POM121C: variants seen among roughly 807,000 people sequenced by gnomAD.
POM121C encodes the protein nuclear envelope pore membrane protein POM 121C.
In POM121C, 20 loss-of-function variants were observed where a neutral mutation model predicts 66.4. The observed-to-expected ratio is 0.30, with a 90% confidence interval of 0.21 to 0.44. The LOEUF is 0.44. POM121C is among the 20% of genes least tolerant of loss of function. The probability of loss-of-function intolerance (pLI) is 1.00; values close to 1 mark genes in which losing one functional copy is unlikely to be tolerated. For synonymous variants in POM121C, 286 were observed against 528.0 expected, an observed-to-expected ratio of 0.54 and a Z score of 6.28; for missense variants, 580 against 1,225.7, an observed-to-expected ratio of 0.47 and a Z score of 7.87.
rs1789906841 is a variant in POM121C, at chr7:75,425,472, C to T, written c.646+163G>A. ...CCCATCTGTAGCCTTTCTCCCTCAT[C>T]AGACTATAAACTTCTGAAGGAGAGG... On this transcript the variant is annotated intron_variant, in intron 9 of 14. Transcript: ENST00000615331. 5 of 1,337,528 alleles carry T rather than the reference C, an allele frequency of 3.7e-6. No individual in the cohort carries two copies. The South Asian group carries it at 6.0e-5, about 16-fold the overall frequency. The allele number at this position is 1,337,528 out of a possible 1,614,324, so 82.9% of individuals were successfully genotyped here. A position where few individuals can be genotyped will look rare whatever the true frequency, so the allele number is the denominator to read the frequency against.
chr7:75,424,914 C>T lies in POM121C; in HGVS notation c.768+160G>A, dbSNP rs147425716. ...GGCAGAGGTTACGGTTAGCCAAAAT[C>T]GAGCCACTGAACTCCAGCCTGGGTG... On this transcript the variant is annotated intron_variant, in intron 10 of 14. Coordinates refer to ENST00000615331, the MANE Select transcript of POM121C (RefSeq NM_001099415.3). 8.6e-3 allele frequency: 12,512 copies of T among 1,451,978 alleles called. 79 individuals carry two copies. Among genetic ancestry groups the T allele is most frequent in the Non-Finnish European group, 0.011 (11,615 of 1,099,376 alleles). 89.9% of individuals were successfully genotyped at this position (1,451,978 alleles called of 1,614,324 possible).
chr7:75,474,328 T>C (rs1325389955), intron 3 of POM121C, among the ~76,000 whole-genome samples: 2 of 152,026 alleles, frequency 1.3e-5, no homozygotes, highest in African/African-American at 4.8e-5. Flanking sequence ...TGGGAGGTGA[T>C]GGTTGCAGTG....
rs1792014411 is a variant in POM121C, at chr7:75,474,799, C to T, written c.-247G>A. The T allele has an allele frequency of 8.4e-6, 11 of 1,303,902 alleles. No individual in the cohort carries two copies. The South Asian group carries it at 1.1e-4, about 13-fold the overall frequency. 80.8% of individuals were successfully genotyped at this position (1,303,902 alleles called of 1,614,324 possible). On this transcript the variant is annotated 5_prime_UTR_variant, in exon 3 of 15. Coordinates refer to ENST00000615331, the MANE Select transcript of POM121C (RefSeq NM_001099415.3). ...GACGTTTGGCTTGGTGATATCATAT[C>T]TTGTTAATGGGAAAAGAAGAAGGAC...
In POM121C at chr7:75,474,692, C is replaced by G; in HGVS notation, c.-152+12G>C. ...TGAGCATTTTTTAACATTTGATACT[C>G]TACTAACTTACCAGGACTATGTTGA... On this transcript the variant is annotated intron_variant, in intron 3 of 14. Transcript: ENST00000615331. 1 of 1,423,392 alleles carries G rather than the reference C, an allele frequency of 7.0e-7. No individual in the cohort carries two copies. The highest frequency in any genetic ancestry group is 9.8e-7 in the Non-Finnish European group (1 of 1,017,396). The allele number at this position is 1,423,392 out of a possible 1,614,324, so 88.2% of individuals were successfully genotyped here. A position where few individuals can be genotyped will look rare whatever the true frequency, so the allele number is the denominator to read the frequency against.
chr7:75,452,358 G>A (rs782570261), intron 3 of POM121C, among the ~76,000 whole-genome samples: 60 of 152,066 alleles, frequency 3.9e-4, no homozygotes, highest in Non-Finnish European at 6.6e-4. Flanking sequence ...TACTAGGGAG[G>A]ATGAGGCAGA....
rs1789555153 is a variant in POM121C, at chr7:75,418,281, G to A, written c.*515C>T. The A allele has an allele frequency of 1.0e-6, 1 of 964,260 alleles. No individual in the cohort carries two copies. The highest frequency in any genetic ancestry group is 1.2e-6 in the Non-Finnish European group (1 of 810,524). The allele number at this position is 964,260 out of a possible 1,614,324, so 59.7% of individuals were successfully genotyped here. A position where few individuals can be genotyped will look rare whatever the true frequency, so the allele number is the denominator to read the frequency against. On this transcript the variant is annotated 3_prime_UTR_variant, in exon 15 of 15. Transcript: ENST00000615331. ...CTGCAAGGAACCGGTGAGGGACACA[G>A]CAGCAAGAAATGGGGAAACAGAGTC... is the stretch of plus-strand genomic sequence containing the variant.
At position 75,418,225 on chromosome 7, in the gene POM121C, A is replaced by G; in HGVS notation, c.*571T>C. On this transcript the variant is annotated 3_prime_UTR_variant, in exon 15 of 15. Coordinates refer to ENST00000615331, the MANE Select transcript of POM121C (RefSeq NM_001099415.3). ...CCACTGGGGTCTCCAAGGCAAAGCT[A>G]GATTCAAGGGCATTTAAAAAGGAGG... 1.0e-6 allele frequency: 1 copy of G among 981,238 alleles called. No individual in the cohort carries two copies. Among genetic ancestry groups the G allele is most frequent in the Non-Finnish European group, 1.2e-6 (1 of 826,222 alleles). 60.8% of individuals were successfully genotyped at this position (981,238 alleles called of 1,614,324 possible).
At chr7:75,436,144 T>G (rs1554473010) in intron 7 of POM121C, among the ~76,000 whole-genome samples, 1 of 152,138 alleles carries the variant, frequency 6.6e-6, no homozygotes, top group Non-Finnish European at 1.5e-5. Context: ...TCAAATAGAT[T>G]ACATAAAAAA....
At position 75,472,912 on chromosome 7, in the gene POM121C, A is replaced by C. The variant is rs186408115; in HGVS notation, c.-152+1792T>G. ...TCAGCAAGTAAAATGCAGATGAAGGAAAAGGACAATGATCATTTGAATGGA... is the reference window on the plus strand; with the variant it reads ...TCAGCAAGTAAAATGCAGATGAAGGCAAAGGACAATGATCATTTGAATGGA... On this transcript the variant is annotated intron_variant, in intron 3 of 14. Transcript: ENST00000615331. Among the ~76,000 whole-genome samples the C allele has an allele frequency of 1.1e-4, 17 of 152,312 alleles. No individual in the cohort carries two copies. The East Asian group carries it at 3.3e-3, about 29-fold the overall frequency.
At chr7:75,460,188 T>C (rs1554476817) in intron 3 of POM121C, among the ~76,000 whole-genome samples, 1 of 143,326 alleles carries the variant, frequency 7.0e-6, no homozygotes. Flanking sequence ...TGTTGGAATC[T>C]GTTTTTTTAA....
At chr7:75,435,003 T>C (rs1240698124) in intron 7 of POM121C, among the ~76,000 whole-genome samples, 1 of 152,168 alleles carries the variant, frequency 6.6e-6, no homozygotes, top group Non-Finnish European at 1.5e-5. Context: ...GTACATGCCC[T>C]GTAGGGGGAT....
chr7:75,441,643 G>C lies in POM121C; in HGVS notation c.-147C>G. ...ACAAACCGATCTGGTAAAGTCCCAC[G>C]ATCCCTGCAGAGAATGCGAGACAAA... is the stretch of plus-strand genomic sequence containing the variant. On this transcript the variant is annotated 5_prime_UTR_variant, in exon 4 of 15. The change creates a new upstream start codon in the 5' untranslated region. Coordinates refer to ENST00000615331, the MANE Select transcript of POM121C (RefSeq NM_001099415.3). 1 of 1,550,872 alleles carries C rather than the reference G, an allele frequency of 6.4e-7. No homozygotes were observed. The highest frequency in any genetic ancestry group is 1.2e-5 in the South Asian group (1 of 84,558).
At chr7:75,466,192 A>T (rs1412495755) in intron 3 of POM121C, among the ~76,000 whole-genome samples, 1 of 144,738 alleles carries the variant, frequency 6.9e-6, no homozygotes, top group African/African-American at 2.5e-5. Flanking sequence ...ATAGCCCTAA[A>T]TGCTTAGAGA....
In POM121C at chr7:75,475,074, G is replaced by A; in HGVS notation, c.-343C>T. The A allele has an allele frequency of 7.0e-7, 1 of 1,420,778 alleles. No individual in the cohort carries two copies. Among genetic ancestry groups the A allele is most frequent in the South Asian group, 1.2e-5 (1 of 86,244 alleles). The allele number at this position is 1,420,778 out of a possible 1,614,324, so 88.0% of individuals were successfully genotyped here. ...AAGCTATCCTCACCCAAGGAAACTA[G>A]ATGGCTGTAGTTCTCCAACATCACA... On this transcript the variant is annotated 5_prime_UTR_variant, in exon 2 of 15. Transcript: ENST00000615331.
intron 3 of POM121C, among the ~76,000 whole-genome samples, chr7:75,468,085 T>C (rs1165809058): frequency 5.4e-5 from 7 of 128,460 alleles, no homozygotes; most frequent in Non-Finnish European, 1.1e-4. Flanking sequence ...TGAGCTGAGA[T>C]GGCACAACTG....
intron 1 of POM121C, among the ~76,000 whole-genome samples, chr7:75,479,875 G>C (rs1173388685): frequency 6.6e-6 from 1 of 152,066 alleles, no homozygotes; most frequent in Admixed American, 6.6e-5. Context: ...CAGTGTGATA[G>C]CTAAAAACCC....
chr7:75,483,531 T>C (rs1227454871), intron 1 of POM121C, among the ~76,000 whole-genome samples: 1 of 152,206 alleles, frequency 6.6e-6, no homozygotes, highest in African/African-American at 2.4e-5. Context: ...ACGCTTCCTA[T>C]GATAGAGCCT....
rs200470318 is a variant in POM121C, at chr7:75,470,923, C to T, written c.-152+3781G>A. On this transcript the variant is annotated intron_variant, in intron 3 of 14. Coordinates refer to ENST00000615331, the MANE Select transcript of POM121C (RefSeq NM_001099415.3). Reference sequence around the variant, plus strand: ...TGCTGGGATTACAGGCATAAGCCACCATGCCCAGTCCAGCATATATATATA... The same window carrying T: ...TGCTGGGATTACAGGCATAAGCCACTATGCCCAGTCCAGCATATATATATA... 2.6e-4 allele frequency among the ~76,000 whole-genome samples: 39 copies of T among 152,182 alleles called. No homozygotes were observed. In the East Asian group the frequency reaches 7.2e-3, roughly 28 times the overall value.
chr7:75,479,336 C>G (rs1273888588), intron 1 of POM121C, among the ~76,000 whole-genome samples: 1 of 152,158 alleles, frequency 6.6e-6, no homozygotes, highest in Non-Finnish European at 1.5e-5. Flanking sequence ...GATACCTGGG[C>G]CAAGTGTGGT....
Sources: gnomAD v4.1 joint callset for allele counts (sites outside exome capture counted in the v4.1 genomes callset) on GRCh38, gnomAD v4.1.1 for gene constraint, MANE v1.5 for transcripts, NCBI Gene and HGNC (gene_info 2026-07-23, HGNC 2026-07-21) for gene names.